The following PDE8B variants were observed in gnomAD, a reference collection of about 807,000 sequenced individuals.
PDE8B encodes the protein high affinity cAMP-specific and IBMX-insensitive 3',5'-cyclic phosphodiesterase 8B.
In PDE8B, 26 loss-of-function variants were observed where a neutral mutation model predicts 101.3. The ratio of observed to expected loss-of-function variants is 0.26; its 90% CI spans 0.19 to 0.36. The LOEUF (loss-of-function observed/expected upper bound fraction) is 0.36, where lower values mean the gene tolerates loss of function less well. Ranked by LOEUF, PDE8B falls within the 10% of genes least tolerant of loss-of-function variation. The pLI, the probability that PDE8B is intolerant of heterozygous loss-of-function variation, is 1.00. For missense variants in PDE8B, 810 were observed against 1,163.1 expected, an observed-to-expected ratio of 0.70 and a Z score of 4.42; for synonymous variants, 424 against 429.3, an observed-to-expected ratio of 0.99 and a Z score of 0.15.
chr5:77,106,461 A>C, the PDE8B span, among the ~76,000 whole-genome samples: 4 of 152,182 alleles, frequency 2.6e-5, no homozygotes, highest in Non-Finnish European at 5.9e-5. Flanking sequence ...TTGACCATAC[A>C]TGTTTGGGTC....
chr5:77,187,775 T>G, the PDE8B span, among the ~76,000 whole-genome samples: 1 of 152,172 alleles, frequency 6.6e-6, no homozygotes, highest in African/African-American at 2.4e-5. Context: ...ATTTTTAAAC[T>G]TTTCCCTAGA....
chr5:77,411,620 A>G lies in PDE8B; in HGVS notation c.1531-56A>G, dbSNP rs536721717. 318 of 1,405,822 alleles carry G rather than the reference A, an allele frequency of 2.3e-4. No homozygotes were observed. The East Asian group carries it at 3.2e-3, about 14-fold the overall frequency. The allele number at this position is 1,405,822 out of a possible 1,614,324, so 87.1% of individuals were successfully genotyped here. Reference sequence around the variant, plus strand: ...CTCTTTCACTAATAATAAAAAAAAAAAGAGAATGATAATAGATATAAAGCA... The same window carrying G: ...CTCTTTCACTAATAATAAAAAAAAAGAGAGAATGATAATAGATATAAAGCA... On this transcript the variant is annotated intron_variant, in intron 14 of 21. Transcript: ENST00000264917.
At chr5:77,407,355 A>G (rs374625486) in intron 12 of PDE8B, 26 bp from the exon 13 acceptor site, 178 of 1,605,374 alleles carry the variant, frequency 1.1e-4, no homozygotes, top group Non-Finnish European at 1.5e-4. Flanking sequence ...CCGGAACTGG[A>G]CACAGCTTTC....
chr5:77,343,425 G>A (rs887109841), intron 6 of PDE8B, among the ~76,000 whole-genome samples: 4 of 152,206 alleles, frequency 2.6e-5, no homozygotes, highest in African/African-American at 9.7e-5. Context: ...TTACTGTACT[G>A]AATACTGTAA....
intron 10 of PDE8B, among the ~76,000 whole-genome samples, chr5:77,388,603 T>C (rs1581417229): frequency 6.6e-6 from 1 of 152,224 alleles, no homozygotes; most frequent in East Asian, 1.9e-4. Context: ...CACGCTGTGC[T>C]GGGAGATCCG....
chr5:77,398,982 C>A (rs1176575286), intron 10 of PDE8B, among the ~76,000 whole-genome samples: 1 of 152,182 alleles, frequency 6.6e-6, no homozygotes, highest in Non-Finnish European at 1.5e-5. Flanking sequence ...GAATCCCGTT[C>A]CTCGGAATGA....
chr5:77,278,791 AG>A (rs973838903), intron 1 of PDE8B, among the ~76,000 whole-genome samples: 3 of 152,162 alleles, frequency 2.0e-5, no homozygotes, highest in African/African-American at 7.2e-5. Flanking sequence ...TTGAGTGGCT[AG>A]TTTTGCATAT....
the PDE8B span, among the ~76,000 whole-genome samples, chr5:77,196,446 A>G: frequency 6.6e-6 from 1 of 152,188 alleles, no homozygotes; most frequent in Non-Finnish European, 1.5e-5. Context: ...GTTAGTTTGT[A>G]CATGGGATGA....
chr5:77,299,607 A>G (rs1282344888), intron 1 of PDE8B, among the ~76,000 whole-genome samples: 1 of 151,688 alleles, frequency 6.6e-6, no homozygotes, highest in East Asian at 1.9e-4. Context: ...TGAACTCTTC[A>G]TTTTTTATGG....
At chr5:77,308,945 G>A (rs1327431278) in intron 1 of PDE8B, among the ~76,000 whole-genome samples, 3 of 152,100 alleles carry the variant, frequency 2.0e-5, no homozygotes, top group Non-Finnish European at 4.4e-5. Flanking sequence ...TTAGGAGGCC[G>A]AGGCGGGCAG....
chr5:77,342,541 A>G (rs1449001956), intron 6 of PDE8B, among the ~76,000 whole-genome samples: 1 of 151,988 alleles, frequency 6.6e-6, no homozygotes, highest in African/African-American at 2.4e-5. Context: ...AAAAACATCA[A>G]TCCAGTAAAT....
intron 20 of PDE8B, 86 bp from the exon 21 acceptor site, chr5:77,425,681 T>C: frequency 1.4e-6 from 2 of 1,404,528 alleles, no homozygotes; most frequent in Non-Finnish European, 2.0e-6. Flanking sequence ...ATGACCCATT[T>C]TCACAGGGTT....
chr5:77,296,287 TG>T (rs1410569602), intron 1 of PDE8B, among the ~76,000 whole-genome samples: 1 of 151,920 alleles, frequency 6.6e-6, no homozygotes, highest in East Asian at 1.9e-4. Context: ...TTCTTCTTCT[TG>T]TTTCACTCTG....
the PDE8B span, among the ~76,000 whole-genome samples, chr5:77,131,432 C>T: frequency 6.6e-6 from 1 of 152,186 alleles, no homozygotes; most frequent in Non-Finnish European, 1.5e-5. Context: ...ACTAATGACT[C>T]TTAACTTTTC....
chr5:77,359,878 A>G (rs967974059), intron 10 of PDE8B, among the ~76,000 whole-genome samples: 8 of 152,200 alleles, frequency 5.3e-5, no homozygotes, highest in African/African-American at 1.9e-4. Context: ...CAGGCAGATC[A>G]CGAGGTCAGG....
intron 17 of PDE8B, among the ~76,000 whole-genome samples, chr5:77,414,811 A>T (rs1795210750): frequency 6.6e-6 from 1 of 151,372 alleles, no homozygotes; most frequent in Non-Finnish European, 1.5e-5. Context: ...CAATTCATTA[A>T]TGCCAAGACC....
chr5:77,260,912 T>C (rs1760445771), intron 1 of PDE8B, among the ~76,000 whole-genome samples: 1 of 152,092 alleles, frequency 6.6e-6, no homozygotes, highest in South Asian at 2.1e-4. Flanking sequence ...GTTGGGCCAT[T>C]TTCCCCAAGT....
chr5:77,334,054 C>T (rs533233885), intron 5 of PDE8B, among the ~76,000 whole-genome samples: 1 of 152,374 alleles, frequency 6.6e-6, no homozygotes, highest in African/African-American at 2.4e-5. Flanking sequence ...GGCACACCAT[C>T]AGCTGAGACT....
At chr5:77,127,225 G>A in the PDE8B span, among the ~76,000 whole-genome samples, 3 of 152,174 alleles carry the variant, frequency 2.0e-5, no homozygotes, top group Non-Finnish European at 4.4e-5. Context: ...TGTGCTGAGG[G>A]TGGGGCCTGT....
Sources: gnomAD v4.1 joint callset for allele counts (sites outside exome capture counted in the v4.1 genomes callset) on GRCh38, gnomAD v4.1.1 for gene constraint, MANE v1.5 for transcripts, NCBI Gene and HGNC (gene_info 2026-07-23, HGNC 2026-07-21) for gene names.